Variants in EYS observed in about 807,000 individuals in gnomAD.
EYS encodes EGF-like photoreceptor maintenance factor, also known as protein eyes shut homolog.
Under a neutral mutation model 282.1 loss-of-function variants are expected in EYS, and 250 were observed. The observed-to-expected ratio is 0.89, with a 90% CI of 0.80 to 0.98. The LOEUF (loss-of-function observed/expected upper bound fraction) is 0.98. EYS is among the 50% of genes least tolerant of loss of function. The pLI is 0.00. For missense variants in EYS, 4,016 were observed against 3,709.0 expected (o/e 1.08, Z -2.15); for synonymous variants, 1,355 against 1,282.9 (o/e 1.06, Z -1.20).
chr6:65,621,480 A>C (rs2149802245), intron 2 of EYS, among the ~76,000 whole-genome samples: 1 of 150,396 alleles, frequency 6.6e-6, no homozygotes, highest in South Asian at 2.1e-4. Context: ...TGAATACAGC[A>C]CACTGATGGG....
intron 31 of EYS, among the ~76,000 whole-genome samples, chr6:64,149,027 C>A (rs1774615545): frequency 6.6e-6 from 1 of 152,086 alleles, no homozygotes; most frequent in Non-Finnish European, 1.5e-5. Flanking sequence ...AAGTCATACC[C>A]CACACACTAT....
At chr6:64,291,811 G>A (rs1363989520) in intron 30 of EYS, among the ~76,000 whole-genome samples, 2 of 151,900 alleles carry the variant, frequency 1.3e-5, no homozygotes, top group Admixed American at 1.3e-4. Flanking sequence ...TAGGACATTT[G>A]GATTTCTTAC....
chr6:64,269,303 C>A (rs999802761), intron 30 of EYS, among the ~76,000 whole-genome samples: 2 of 151,890 alleles, frequency 1.3e-5, no homozygotes, highest in African/African-American at 4.8e-5. Context: ...GAATTTGGGG[C>A]TGAAAAATCA....
At chr6:65,222,915 G>A (rs1338688437) in intron 12 of EYS, among the ~76,000 whole-genome samples, 1 of 152,082 alleles carries the variant, frequency 6.6e-6, no homozygotes, top group African/African-American at 2.4e-5. Flanking sequence ...GAAAACACGT[G>A]AAATAAGGAT....
chr6:65,266,632 C>A lies in EYS; in HGVS notation c.2023+29231G>T, dbSNP rs892359168. Among the ~76,000 whole-genome samples, 8 of 151,736 alleles carry A rather than the reference C, an allele frequency of 5.3e-5. 1 individual carries two copies. Among genetic ancestry groups the A allele is most frequent in the Admixed American group, 4.6e-4 (7 of 15,174 alleles). Reference sequence around the variant, plus strand: ...GCCAGTATTTTATTGAGGATTTTTGCATCAATGTTCATCAGGGATATTGGC... The same window carrying A: ...GCCAGTATTTTATTGAGGATTTTTGAATCAATGTTCATCAGGGATATTGGC... On this transcript the variant is annotated intron_variant, in intron 12 of 42. Transcript: ENST00000503581.
At chr6:64,252,705 G>T (rs1351000183) in intron 30 of EYS, among the ~76,000 whole-genome samples, 1 of 152,058 alleles carries the variant, frequency 6.6e-6, no homozygotes, top group African/African-American at 2.4e-5. Context: ...ATGCTTATTT[G>T]TACTTTAATT....
intron 35 of EYS, among the ~76,000 whole-genome samples, chr6:63,972,946 A>G (rs551232948): frequency 1.3e-5 from 2 of 152,260 alleles, no homozygotes; most frequent in South Asian, 4.1e-4. Flanking sequence ...ATTGATGGGC[A>G]TTTGGGTTGG....
chr6:65,546,856 C>G (rs1045914204), intron 2 of EYS, among the ~76,000 whole-genome samples: 1 of 152,094 alleles, frequency 6.6e-6, no homozygotes, highest in African/African-American at 2.4e-5. Context: ...CAGGCATGAG[C>G]GACCACACCC....
At chr6:65,607,652 A>G in intron 2 of EYS, among the ~76,000 whole-genome samples, 1 of 128,000 alleles carries the variant, frequency 7.8e-6, no homozygotes, top group Non-Finnish European at 1.9e-5. Flanking sequence ...CAGTTATCTG[A>G]GATAATTAAT....
intron 8 of EYS, among the ~76,000 whole-genome samples, chr6:65,382,075 G>A (rs1232183835): frequency 6.6e-6 from 1 of 151,618 alleles, no homozygotes; most frequent in Admixed American, 6.6e-5. Context: ...GTAATCACTG[G>A]TTATTGTTGT....
chr6:65,244,257 ATTATT>A (rs1353748626), intron 12 of EYS, among the ~76,000 whole-genome samples: 4 of 152,162 alleles, frequency 2.6e-5, no homozygotes, highest in Non-Finnish European at 4.4e-5. Flanking sequence ...TTTCACGCAA[ATTATT>A]TTATCTTATT....
At chr6:64,140,562 C>A (rs1473804710) in intron 31 of EYS, among the ~76,000 whole-genome samples, 2 of 152,142 alleles carry the variant, frequency 1.3e-5, no homozygotes, top group African/African-American at 2.4e-5. Flanking sequence ...GCAACTCTAG[C>A]AAGAGATGAG....
At chr6:64,909,166 CT>C (rs1767917753) in intron 16 of EYS, among the ~76,000 whole-genome samples, 1 of 152,162 alleles carries the variant, frequency 6.6e-6, no homozygotes, top group African/African-American at 2.4e-5. Context: ...CAGAACCTAT[CT>C]CAAGACTTGA....
chr6:64,535,192 T>A (rs1764481222), intron 26 of EYS, among the ~76,000 whole-genome samples: 1 of 152,190 alleles, frequency 6.6e-6, no homozygotes, highest in Admixed American at 6.5e-5. Context: ...GGGAATGTTC[T>A]TTGACCGATA....
intron 37 of EYS, among the ~76,000 whole-genome samples, chr6:63,792,789 T>C (rs1770550941): frequency 6.6e-6 from 1 of 152,126 alleles, no homozygotes; most frequent in Admixed American, 6.5e-5. Context: ...GCATGGGGCT[T>C]TAAGTTCCAA....
chr6:63,868,382 T>C (rs1031365884), intron 35 of EYS, among the ~76,000 whole-genome samples: 1 of 152,108 alleles, frequency 6.6e-6, no homozygotes, highest in Non-Finnish European at 1.5e-5. Flanking sequence ...GCCCACTACT[T>C]ATATAACACA....
At chr6:64,898,820 C>T (rs183220849) in intron 18 of EYS, among the ~76,000 whole-genome samples, 8 of 150,814 alleles carry the variant, frequency 5.3e-5, no homozygotes, top group Admixed American at 2.0e-4. Flanking sequence ...TAGTCTCTGA[C>T]AAAACAGACA....
chr6:64,035,230 C>CTTCA (rs1299204520), intron 33 of EYS, among the ~76,000 whole-genome samples: 1 of 152,180 alleles, frequency 6.6e-6, no homozygotes, highest in African/African-American at 2.4e-5. Flanking sequence ...TTCAATTTTT[C>CTTCA]TTCATCTAGG....
chr6:64,939,429 G>A (rs184295344), intron 15 of EYS, among the ~76,000 whole-genome samples: 2 of 151,692 alleles, frequency 1.3e-5, no homozygotes, highest in Non-Finnish European at 1.5e-5. Flanking sequence ...GCCATGTCAG[G>A]GTTATCTAGA....
Sources: allele counts gnomAD v4.1 joint callset (sites outside exome capture counted in the v4.1 genomes callset), GRCh38; gene constraint gnomAD v4.1.1; transcripts MANE v1.5; gene names NCBI Gene and HGNC (gene_info 2026-07-23, HGNC 2026-07-21).